Variants in CATSPERB observed in about 807,000 individuals in gnomAD.
CATSPERB encodes the protein catsper channel auxiliary subunit beta, also known as cation channel sperm-associated auxiliary subunit beta.
Under a neutral mutation model 128.3 loss-of-function variants are expected in CATSPERB, and 93 were observed. That is an observed-to-expected ratio of 0.72 (90% CI 0.61 to 0.86). CATSPERB has a LOEUF of 0.86. Ranked by LOEUF, CATSPERB falls within the 40% of genes least tolerant of loss-of-function variation. The probability of loss-of-function intolerance (pLI) is 0.00; values close to 1 mark genes in which losing one functional copy is unlikely to be tolerated. For missense variants in CATSPERB, 1,153 were observed against 1,329.5 expected (o/e 0.87, Z 2.06); for synonymous variants, 381 against 448.8 (o/e 0.85, Z 1.91).
intron 16 of CATSPERB, among the ~76,000 whole-genome samples, chr14:91,637,046 C>T (rs1036121787): frequency 7.9e-5 from 12 of 152,222 alleles, no homozygotes; most frequent in Admixed American, 4.6e-4. Context: ...GTTCTCCTTT[C>T]CTGACTCACA....
At position 91,639,140 on chromosome 14, in the gene CATSPERB, C is replaced by T. The variant is rs1894438655; in HGVS notation, c.1543G>A (p.Gly515Arg). ...KLTLGRFEAS[G>R]PPTAFGNSRN... The stretch of plus-strand genomic sequence containing the variant: ...GAATTTCCAAAGGCTGTGGGTGGTC[C>T]ACTAGCTTCAAAGCGACCCAGAGTC... Residue 515 changes from glycine (G) to arginine (R), a missense_variant, in exon 16 of 27, where the codon GGA becomes AGA. Coordinates refer to ENST00000256343, the MANE Select transcript of CATSPERB (RefSeq NM_024764.4). 1 of 1,613,988 alleles carries T rather than the reference C, an allele frequency of 6.2e-7. No homozygotes were observed. Among genetic ancestry groups the T allele is most frequent in the Non-Finnish European group, 8.5e-7 (1 of 1,179,980 alleles).
chr14:91,625,684 T>C (rs917772203), intron 17 of CATSPERB, among the ~76,000 whole-genome samples: 1 of 152,240 alleles, frequency 6.6e-6, no homozygotes, highest in African/African-American at 2.4e-5. Context: ...ATTTCAATTA[T>C]CTTAATATTT....
chr14:91,587,282 G>GAAAAAAAA lies in CATSPERB; in HGVS notation c.3058-7_3058-6insTTTTTTTT. On this transcript the variant is annotated splice_polypyrimidine_tract_variant and splice_region_variant and intron_variant, in intron 25 of 26. Coordinates refer to ENST00000256343, the MANE Select transcript of CATSPERB (RefSeq NM_024764.4). ...AAGTGGAAAAGTTCAGAGCCCTGTG[G>GAAAAAAAA]AAAAAAGCACACCCAGTTGTTAGCA... is the stretch of plus-strand genomic sequence containing the variant. 6.3e-7 allele frequency: 1 copy of GAAAAAAAA among 1,597,234 alleles called. No individual in the cohort carries two copies. The highest frequency in any genetic ancestry group is 8.5e-7 in the Non-Finnish European group (1 of 1,173,750).
At chr14:91,622,159 T>C (rs1415524976) in intron 18 of CATSPERB, among the ~76,000 whole-genome samples, 1 of 152,152 alleles carries the variant, frequency 6.6e-6, no homozygotes, top group African/African-American at 2.4e-5. Context: ...GAAACTATTG[T>C]ATAAAATTTT....
At chr14:91,659,699 T>C in intron 15 of CATSPERB, 138 bp downstream of exon 15, 1 of 746,000 alleles carries the variant, frequency 1.3e-6, no homozygotes, top group Non-Finnish European at 2.1e-6. Flanking sequence ...AGGATCCTAC[T>C]TCTGTAGATC....
At chr14:91,644,365 T>A (rs897247514) in intron 15 of CATSPERB, among the ~76,000 whole-genome samples, 20 of 146,412 alleles carry the variant, frequency 1.4e-4, no homozygotes, top group African/African-American at 4.8e-4. Flanking sequence ...TTCCTTTCCA[T>A]GTTTAGCGCT....
chr14:91,617,808 A>T, intron 19 of CATSPERB, 72 bp from the exon 20 acceptor site: 1 of 1,099,848 alleles, frequency 9.1e-7, no homozygotes, highest in Non-Finnish European at 1.3e-6. Context: ...TGATTGGCTA[A>T]TCAGATTTTA....
chr14:91,638,463 C>G (rs1305743210), intron 16 of CATSPERB, among the ~76,000 whole-genome samples: 1 of 151,212 alleles, frequency 6.6e-6, no homozygotes, highest in Non-Finnish European at 1.5e-5. Context: ...GTGGCACGAT[C>G]ACAGCTCACT....
chr14:91,617,646 G>A lies in CATSPERB; in HGVS notation c.2351C>T (p.Thr784Ile), dbSNP rs2139783970. The A allele has an allele frequency of 6.3e-7, 1 of 1,599,934 alleles. No homozygotes were observed. Among genetic ancestry groups the A allele is most frequent in the South Asian group, 1.1e-5 (1 of 87,994 alleles). ...AGAAATTGTTATTACATAACTGTCAGTATCATCAAAAGTCACTTCAGCTGT... is the reference window on the plus strand; with the variant it reads ...AGAAATTGTTATTACATAACTGTCAATATCATCAAAAGTCACTTCAGCTGT... ...EVTAEVTFDD[T>I]DSYVITISAA... The change falls in exon 20 of 27, where the codon ACT becomes ATT. Residue 784 changes from threonine to isoleucine, a missense_variant. Transcript: ENST00000256343.
Position 91,608,329 on chromosome 14 carries a change from TGC to T in CATSPERB, c.2672_2673del (p.Ser891LysfsTer16). On this transcript the variant is annotated frameshift_variant, in exon 22 of 27. Coordinates refer to ENST00000256343, the MANE Select transcript of CATSPERB (RefSeq NM_024764.4). LOFTEE classifies it high-confidence loss of function. ...TGAAACATGTTTCTTGGTATGGGTT[TGC>T]TAGGATCTGCATGATAAAAATTATC... ...LTDNFYHADPSKPIPRNMFHM... is the reference protein window; with the variant it reads ...LTDNFYHADPXKPIPRNMFHM... 6.2e-7 allele frequency: 1 copy of T among 1,611,956 alleles called. No individual in the cohort carries two copies. Among genetic ancestry groups the T allele is most frequent in the Non-Finnish European group, 8.5e-7 (1 of 1,178,228 alleles).
At chr14:91,649,537 C>G (rs1321898634) in intron 15 of CATSPERB, among the ~76,000 whole-genome samples, 1 of 150,776 alleles carries the variant, frequency 6.6e-6, no homozygotes, top group East Asian at 1.9e-4. Context: ...TTGCCTGTCA[C>G]CCAGGCTGGA....
chr14:91,718,263 G>C (rs759223040), intron 5 of CATSPERB, among the ~76,000 whole-genome samples: 1 of 152,154 alleles, frequency 6.6e-6, no homozygotes, highest in Non-Finnish European at 1.5e-5. Context: ...TTTGAAAAAC[G>C]TTGAATAAAG....
At chr14:91,615,004 C>G (rs909509663) in intron 20 of CATSPERB, among the ~76,000 whole-genome samples, 1 of 152,070 alleles carries the variant, frequency 6.6e-6, no homozygotes, top group Non-Finnish European at 1.5e-5. Context: ...CTGAAACGTA[C>G]AATACTATAT....
chr14:91,657,523 TCA>T (rs1894807921), intron 15 of CATSPERB, among the ~76,000 whole-genome samples: 2 of 152,066 alleles, frequency 1.3e-5, no homozygotes, highest in Admixed American at 6.6e-5. Context: ...ACAAATGGAA[TCA>T]CATCAAGTTA....
chr14:91,681,846 G>C (rs1217882144), intron 11 of CATSPERB, among the ~76,000 whole-genome samples: 3 of 152,212 alleles, frequency 2.0e-5, no homozygotes, highest in Admixed American at 6.5e-5. Context: ...TCACACTCAG[G>C]TGAAGGCTCA....
rs764684266 is a variant in CATSPERB, at chr14:91,723,201, C to CAA, written c.169-14_169-13dup. The CAA allele has an allele frequency of 1.4e-5, 18 of 1,293,454 alleles. No individual in the cohort carries two copies. Among genetic ancestry groups the CAA allele is most frequent in the South Asian group, 8.0e-5 (4 of 49,918 alleles). 80.1% of individuals were successfully genotyped at this position (1,293,454 alleles called of 1,614,324 possible). A position where few individuals can be genotyped will look rare whatever the true frequency, so the allele number is the denominator to read the frequency against. ...AAACACTGGATTTTCTTTAGGAAAG[C>CAA]AAGAAAAAAAAAAACAACTAATAAC... On this transcript the variant is annotated splice_polypyrimidine_tract_variant and intron_variant, in intron 3 of 26. Transcript: ENST00000256343.
chr14:91,662,299 C>T (rs559804647), intron 14 of CATSPERB, among the ~76,000 whole-genome samples: 77 of 152,250 alleles, frequency 5.1e-4, no homozygotes, highest in African/African-American at 1.8e-3. Flanking sequence ...GTAAAAAGGG[C>T]TATCCATACC....
intron 26 of CATSPERB, among the ~76,000 whole-genome samples, chr14:91,584,757 G>C (rs907085341): frequency 6.6e-6 from 1 of 152,116 alleles, no homozygotes; most frequent in Non-Finnish European, 1.5e-5. Flanking sequence ...TTTTGCCTCT[G>C]TGGTTTCTGT....
chr14:91,729,275 G>C, intron 2 of CATSPERB, 126 bp downstream of exon 2: 1 of 470,252 alleles, frequency 2.1e-6, no homozygotes, highest in South Asian at 5.0e-5. Flanking sequence ...TGACAATATT[G>C]GGAAACAATT....
Sources: gnomAD v4.1 joint callset for allele counts (sites outside exome capture counted in the v4.1 genomes callset) on GRCh38, gnomAD v4.1.1 for gene constraint, MANE v1.5 for transcripts, NCBI Gene and HGNC (gene_info 2026-07-23, HGNC 2026-07-21) for gene names.